The following EML2 variants were observed in gnomAD, a reference collection of about 807,000 sequenced individuals.
The protein encoded by EML2 is echinoderm microtubule-associated protein-like 2.
A neutral mutation model predicts 84.7 loss-of-function variants in EML2; 59 were observed. The ratio of observed to expected loss-of-function variants is 0.70; its 90% CI spans 0.56 to 0.86. The LOEUF (loss-of-function observed/expected upper bound fraction) is 0.86, where lower values mean the gene tolerates loss of function less well. EML2 is among the 40% of genes least tolerant of loss of function. The probability of loss-of-function intolerance (pLI) is 0.00; values close to 1 mark genes in which losing one functional copy is unlikely to be tolerated. For missense variants in EML2, 818 were observed against 855.6 expected, an observed-to-expected ratio of 0.96 and a Z score of 0.55; for synonymous variants, 352 against 348.9, an observed-to-expected ratio of 1.01 and a Z score of -0.10.
At chr19:45,634,541 ATTTATTTATTTTTAATTTT>A (rs1973487478) in intron 3 of EML2, 70 bp from the exon 4 acceptor site, 3 of 1,164,688 alleles carry the variant, frequency 2.6e-6, no homozygotes, top group Non-Finnish European at 3.3e-6. Flanking sequence ...GTTTTTATTT[ATTTATTTATTTTTAATTTT>A]TTTATTTATT....
chr19:45,641,549 A>T, upstream of EML2: 1 of 1,293,756 alleles, frequency 7.7e-7, no homozygotes, highest in Non-Finnish European at 1.1e-6. Context: ...GCCCCACTCT[A>T]GGTTACGACC....
chr19:45,620,016 A>C (rs540100869), intron 11 of EML2, among the ~76,000 whole-genome samples: 64 of 152,148 alleles, frequency 4.2e-4, no homozygotes, highest in Non-Finnish European at 8.1e-4. Context: ...GCATCACTGC[A>C]TTCCAGGCTG....
chr19:45,643,612 C>A (rs1330761161), upstream of EML2: 5 of 1,536,072 alleles, frequency 3.3e-6, no homozygotes, highest in Non-Finnish European at 4.4e-6. Flanking sequence ...CAAGGAAGCC[C>A]TGGTTCCCAG....
Position 45,631,884 on chromosome 19 carries a change from A to ATT in EML2, c.510+975_510+976dup, listed in dbSNP as rs755529171. On this transcript the variant is annotated intron_variant, in intron 6 of 18. Coordinates refer to ENST00000245925, the MANE Select transcript of EML2 (RefSeq NM_012155.4). ...ACACTAGTACACCCAGCTAATTAGA[A>ATT]TTTTTTTTTTTTTTTTTTTTTTTTT... Among the ~76,000 whole-genome samples the ATT allele has an allele frequency of 3.0e-3, 270 of 90,324 alleles. 15 individuals carry two copies. Among genetic ancestry groups the ATT allele is most frequent in the Middle Eastern group, 8.6e-3 (1 of 116 alleles). 59.3% of individuals were successfully genotyped at this position (90,324 alleles called of 152,430 possible). A position where few individuals can be genotyped will look rare whatever the true frequency, so the allele number is the denominator to read the frequency against.
chr19:45,611,190 G>A (rs1317702610), intron 18 of EML2, among the ~76,000 whole-genome samples: 2 of 152,174 alleles, frequency 1.3e-5, no homozygotes, highest in South Asian at 2.1e-4. Context: ...CAGGCAGATC[G>A]CCTGAGGTTG....
intron 3 of EML2, among the ~76,000 whole-genome samples, chr19:45,637,470 ATTTTTTTTTTTTT>A (rs66503218): frequency 9.8e-6 from 1 of 101,660 alleles, no homozygotes; most frequent in African/African-American, 4.0e-5. Flanking sequence ...ATTATTTTGG[ATTTTTTTTTTTTT>A]TTTTTTTTTT....
chr19:45,633,506 A>G (rs1246624715), intron 4 of EML2, among the ~76,000 whole-genome samples: 6 of 151,126 alleles, frequency 4.0e-5, no homozygotes, highest in Non-Finnish European at 8.8e-5. Context: ...TGGGAGGCCG[A>G]GGCGGGCGGA....
rs1600078346 is a variant in EML2 at position 45,614,831 on chromosome 19, AGGACT to A, written c.1598-136_1598-132del. 5 of 714,936 alleles carry A rather than the reference AGGACT, an allele frequency of 7.0e-6. No homozygotes were observed. In the East Asian group the frequency reaches 1.4e-4, roughly 19 times the overall value. The allele number at this position is 714,936 out of a possible 1,614,324, so 44.3% of individuals were successfully genotyped here. A position where few individuals can be genotyped will look rare whatever the true frequency, so the allele number is the denominator to read the frequency against. On this transcript the variant is annotated intron_variant, in intron 16 of 18. Coordinates refer to ENST00000245925, the MANE Select transcript of EML2 (RefSeq NM_012155.4). ...GGTCCCAGGGCTCATTCTACCTGTC[AGGACT>A]GGCTGAGAAGGCATCACATGCTGGG...
At chr19:45,641,728 G>T, upstream of EML2, 1 of 1,536,158 alleles carries the variant, frequency 6.5e-7, no homozygotes, top group Non-Finnish European at 8.7e-7. Context: ...GCGCTCTGGT[G>T]ACAAGTAGCG....
intron 16 of EML2, 133 bp from the exon 17 acceptor site, chr19:45,614,833 G>A: frequency 2.9e-6 from 2 of 699,550 alleles, no homozygotes; most frequent in South Asian, 3.3e-5. Context: ...TACCTGTCAG[G>A]ACTGGCTGAG....
chr19:45,638,523 C>T lies in EML2; in HGVS notation c.161G>A (p.Arg54Gln), dbSNP rs1457527834. ...LDTRSELPSCRLKLEWVYGYR... is the reference protein window; with the variant it reads ...LDTRSELPSCQLKLEWVYGYR... ...AGGATACACCCACTCCAGCTTGAGC[C>T]GGCAAGAAGGCAGCTCCGAGCGTGT... The change falls in exon 3 of 19, where the codon CGG becomes CAG. Residue 54 changes from arginine to glutamine, a missense_variant. Coordinates refer to ENST00000245925, the MANE Select transcript of EML2 (RefSeq NM_012155.4). 6.2e-7 allele frequency: 1 copy of T among 1,614,050 alleles called. No homozygotes were observed. Among genetic ancestry groups the T allele is most frequent in the Non-Finnish European group, 8.5e-7 (1 of 1,180,026 alleles).
chr19:45,644,603 C>T (rs1208671086), upstream of EML2: 2 of 441,612 alleles, frequency 4.5e-6, no homozygotes, highest in South Asian at 1.6e-5. Flanking sequence ...GACTCAAGCC[C>T]TCCGCTCCCT....
upstream of EML2, chr19:45,642,499 CAAGGAAGAGGACTCTGAAGGGGG>C: frequency 7.0e-7 from 1 of 1,429,774 alleles, no homozygotes; most frequent in Non-Finnish European, 9.1e-7. Flanking sequence ...GGACATGAGC[CAAGGAAGAGGACTCTGAAGGGGG>C]AAGGAAATCC....
upstream of EML2, chr19:45,644,586 T>C (rs1262713757): frequency 2.4e-6 from 1 of 422,338 alleles, no homozygotes; most frequent in African/African-American, 2.0e-5. Flanking sequence ...ACCATCCCCA[T>C]CCCTGTGACT....
rs1314345600 is a variant in EML2 at position 45,632,938 on chromosome 19, CTG to C, written c.431_432del (p.Ser144CysfsTer15). ...PLPPHVRIWD[S>X]VSLSTLHVLG... ...AGCACGTGTAAGGTGGAGAGGGAAACTGAGTCCCAGATGCGCACGTGGGGCGG... is the reference window on the plus strand; with the variant it reads ...AGCACGTGTAAGGTGGAGAGGGAAACAGTCCCAGATGCGCACGTGGGGCGG... On this transcript the variant is annotated frameshift_variant, in exon 6 of 19. Transcript: ENST00000245925. LOFTEE classifies it high-confidence loss of function. 1 of 1,614,112 alleles carries C rather than the reference CTG, an allele frequency of 6.2e-7. No homozygotes were observed. The highest frequency in any genetic ancestry group is 8.5e-7 in the Non-Finnish European group (1 of 1,180,044).
chr19:45,634,290 C>T, intron 4 of EML2, 32 bp downstream of exon 4: 1 of 1,611,774 alleles, frequency 6.2e-7, no homozygotes, highest in Non-Finnish European at 8.5e-7. Context: ...CCAGCCACAG[C>T]TCCCTCCCGT....
At chr19:45,619,239 T>C (rs765733857) in intron 11 of EML2, 48 bp from the exon 12 acceptor site, 2 of 1,571,712 alleles carry the variant, frequency 1.3e-6, no homozygotes, top group Non-Finnish European at 1.7e-6. Flanking sequence ...CCCTGGCCTT[T>C]TCCCACTCAA....
intron 9 of EML2, 113 bp from the exon 10 acceptor site, chr19:45,621,750 C>CATT: frequency 1.0e-6 from 1 of 994,428 alleles, no homozygotes; most frequent in Non-Finnish European, 1.4e-6. Context: ...ACTTTTCCAC[C>CATT]TTTTTTTTTT....
At position 45,624,619 on chromosome 19, in the gene EML2, T is replaced by C. The variant is rs1242390388; in HGVS notation, c.841+100A>G. The C allele has an allele frequency of 1.3e-5, 11 of 834,044 alleles. No individual in the cohort carries two copies. In the Admixed American group the frequency reaches 2.6e-4, roughly 20 times the overall value. 51.7% of individuals were successfully genotyped at this position (834,044 alleles called of 1,614,324 possible). ...GAGGGTGTTGGAATCGGACATCCAT[T>C]TACACTCATTTCACACAAGCAGAAT... is the stretch of plus-strand genomic sequence containing the variant. On this transcript the variant is annotated intron_variant, in intron 9 of 18. Transcript: ENST00000245925.
Sources: allele counts gnomAD v4.1 joint callset (sites outside exome capture counted in the v4.1 genomes callset), GRCh38; gene constraint gnomAD v4.1.1; transcripts MANE v1.5; gene names NCBI Gene and HGNC (gene_info 2026-07-23, HGNC 2026-07-21).